The following SYNPR variants were observed in gnomAD, a reference collection of about 807,000 sequenced individuals.
SYNPR encodes the protein synaptoporin.
In SYNPR, 23 loss-of-function variants were observed where a neutral mutation model predicts 32.9. The ratio of observed to expected loss-of-function variants is 0.70; its 90% confidence interval spans 0.50 to 0.99. The LOEUF (loss-of-function observed/expected upper bound fraction) is 0.99. Among genes scored for constraint, SYNPR ranks in the 50% least tolerant of loss-of-function variants. SYNPR has a pLI of 0.00. For synonymous variants in SYNPR, 146 were observed against 135.9 expected (o/e 1.07, Z -0.52); for missense variants, 318 against 349.3 (o/e 0.91, Z 0.71).
At chr3:63,268,062 G>A (rs2086505513) in intron 3 of SYNPR, among the ~76,000 whole-genome samples, 1 of 152,152 alleles carries the variant, frequency 6.6e-6, no homozygotes, top group Non-Finnish European at 1.5e-5. Flanking sequence ...TGGAATAATT[G>A]CTCTTAATGG....
chr3:63,466,490 T>C (rs559936506), intron 2 of SYNPR, among the ~76,000 whole-genome samples: 4 of 152,098 alleles, frequency 2.6e-5, no homozygotes, highest in African/African-American at 9.6e-5. Flanking sequence ...TACTTCATTA[T>C]TGGTGTGGTC....
intron 2 of SYNPR, among the ~76,000 whole-genome samples, chr3:63,326,757 T>C (rs904487331): frequency 6.6e-6 from 1 of 152,154 alleles, no homozygotes; most frequent in African/African-American, 2.4e-5. Flanking sequence ...TGATTGCTGG[T>C]AACTTTGAAA....
intron 3 of SYNPR, among the ~76,000 whole-genome samples, chr3:63,484,478 T>C (rs1701106356): frequency 6.6e-6 from 1 of 152,116 alleles, no homozygotes; most frequent in Non-Finnish European, 1.5e-5. Flanking sequence ...TTTGAACTTA[T>C]ACATGAATAA....
At chr3:63,397,702 C>T (rs555372080) in intron 2 of SYNPR, among the ~76,000 whole-genome samples, 3 of 152,266 alleles carry the variant, frequency 2.0e-5, no homozygotes, top group Admixed American at 1.3e-4. Context: ...CAGTTTCAAC[C>T]TATACCCTGC....
chr3:63,341,719 G>A (rs2087372577), intron 2 of SYNPR, among the ~76,000 whole-genome samples: 1 of 152,084 alleles, frequency 6.6e-6, no homozygotes, highest in African/African-American at 2.4e-5. Context: ...AGTTCTAAGA[G>A]TTCTTTATGT....
intron 2 of SYNPR, among the ~76,000 whole-genome samples, chr3:63,390,946 G>A (rs906945115): frequency 1.3e-5 from 2 of 152,202 alleles, no homozygotes; most frequent in African/African-American, 4.8e-5. Flanking sequence ...AAATCACTCC[G>A]ACTATGATCC....
At chr3:63,494,539 A>T (rs1701335465) in intron 3 of SYNPR, among the ~76,000 whole-genome samples, 1 of 147,248 alleles carries the variant, frequency 6.8e-6, no homozygotes, top group South Asian at 2.1e-4. Context: ...ATATATGGCA[A>T]AGATCATCAT....
At chr3:63,610,366 AG>A in intron 5 of SYNPR, 1 of 484,620 alleles carries the variant, frequency 2.1e-6, no homozygotes, top group Middle Eastern at 2.9e-4. Context: ...AGCAAAAAGC[AG>A]CGGTTATCGA....
intron 2 of SYNPR, among the ~76,000 whole-genome samples, chr3:63,429,431 T>C (rs1283076898): frequency 6.6e-6 from 1 of 152,202 alleles, no homozygotes; most frequent in Non-Finnish European, 1.5e-5. Context: ...CTGCTCACTC[T>C]GCGTATTACC....
At chr3:63,264,312 A>G (rs2086462755) in intron 2 of SYNPR, among the ~76,000 whole-genome samples, 1 of 152,202 alleles carries the variant, frequency 6.6e-6, no homozygotes, top group African/African-American at 2.4e-5. Flanking sequence ...AACAGTGAAA[A>G]GATTAGCAGA....
intron 2 of SYNPR, among the ~76,000 whole-genome samples, chr3:63,439,697 A>C (rs1334516245): frequency 6.6e-6 from 1 of 152,224 alleles, no homozygotes; most frequent in Non-Finnish European, 1.5e-5. Context: ...TGACACTGAA[A>C]TTTGCAACCC....
At chr3:63,235,453 G>T (rs1027084522) in intron 1 of SYNPR, among the ~76,000 whole-genome samples, 5 of 152,156 alleles carry the variant, frequency 3.3e-5, no homozygotes, top group South Asian at 2.1e-4. Flanking sequence ...TAGAACAGTG[G>T]TTTCAAATTC....
At chr3:63,311,878 G>A (rs1425044652) in intron 2 of SYNPR, among the ~76,000 whole-genome samples, 12 of 151,900 alleles carry the variant, frequency 7.9e-5, no homozygotes, top group Admixed American at 6.6e-4. Flanking sequence ...ACATAGAGGA[G>A]AGAACCTTGA....
At position 63,339,822 on chromosome 3, in the gene SYNPR, A is replaced by G. The variant is rs369391662; in HGVS notation, c.84+61080A>G. ...ACAGGCATGCCCACCATGTCCAGCT[A>G]ATTTTTGTATTTTTAGTAGAGACAG... On this transcript the variant is annotated intron_variant, in intron 2 of 5. Transcript: ENST00000478300. Among the ~76,000 whole-genome samples the G allele has an allele frequency of 3.4e-4, 51 of 152,048 alleles. No individual in the cohort carries two copies. In the East Asian group the frequency reaches 8.3e-3, roughly 25 times the overall value.
intron 4 of SYNPR, among the ~76,000 whole-genome samples, chr3:63,573,513 A>G (rs1702926470): frequency 6.6e-6 from 1 of 152,180 alleles, no homozygotes; most frequent in Admixed American, 6.6e-5. Flanking sequence ...TTAAGGATAT[A>G]ATACTAGAGT....
At chr3:63,430,306 G>T (rs1699969229) in intron 2 of SYNPR, among the ~76,000 whole-genome samples, 1 of 151,810 alleles carries the variant, frequency 6.6e-6, no homozygotes, top group Non-Finnish European at 1.5e-5. Context: ...TTATTTTAGG[G>T]TATCAGTGAG....
In SYNPR at chr3:63,267,292, A is replaced by G. The variant is rs2086498356; in HGVS notation, n.155-25A>G. On this transcript the variant is annotated intron_variant and non_coding_transcript_variant, in intron 2 of 4. Coordinates refer to the SYNPR transcript ENST00000478456. ...CACCAACCACCATGGGCCACATGTC[A>G]AGGAACCATCTTGGGTCCTCTTAGG... 2.6e-5 allele frequency: 4 copies of G among 152,194 alleles called. No homozygotes were observed. The South Asian group carries it at 6.2e-4, about 24-fold the overall frequency. The allele number at this position is 152,194 out of a possible 1,614,324, so 9.4% of individuals were successfully genotyped here. A position where few individuals can be genotyped will look rare whatever the true frequency, so the allele number is the denominator to read the frequency against.
chr3:63,486,120 G>A (rs1424532883), intron 3 of SYNPR, among the ~76,000 whole-genome samples: 1 of 152,104 alleles, frequency 6.6e-6, no homozygotes, highest in Non-Finnish European at 1.5e-5. Context: ...TGTTGGCCAG[G>A]CTTATCTCAA....
intron 3 of SYNPR, among the ~76,000 whole-genome samples, chr3:63,503,349 C>T (rs775112706): frequency 9.9e-5 from 15 of 151,972 alleles, no homozygotes; most frequent in Admixed American, 2.0e-4. Context: ...GGATAACAGT[C>T]CTTTATGAAA....
Sources: allele counts gnomAD v4.1 joint callset (sites outside exome capture counted in the v4.1 genomes callset), GRCh38; gene constraint gnomAD v4.1.1; transcripts MANE v1.5; gene names NCBI Gene and HGNC (gene_info 2026-07-23, HGNC 2026-07-21).